DNAH3: variants seen among roughly 807,000 people sequenced by gnomAD.
DNAH3 encodes the protein axonemal beta dynein heavy chain 3.
DNAH3 carries 332 observed loss-of-function variants against 432.5 expected under a neutral mutation model. That is an observed-to-expected ratio of 0.77 (90% confidence interval 0.70 to 0.84). The LOEUF is 0.84. Ranked by LOEUF, DNAH3 falls within the 40% of genes least tolerant of loss-of-function variation. The pLI is 0.00. For synonymous variants in DNAH3, 1,956 were observed against 1,900.2 expected, an observed-to-expected ratio of 1.03 and a Z score of -0.76; for missense variants, 4,861 against 5,114.0, an observed-to-expected ratio of 0.95 and a Z score of 1.51.
At chr16:20,964,054 T>A in exon 53 of DNAH3, 1 of 1,614,194 alleles carries the variant, frequency 6.2e-7, no homozygotes, top group Non-Finnish European at 8.5e-7. Flanking sequence ...AGCAACTTTC[T>A]GTTTCTCTGA....
chr16:20,988,783 A>G (rs1377298968), intron 44 of DNAH3, among the ~76,000 whole-genome samples: 1 of 152,212 alleles, frequency 6.6e-6, no homozygotes, highest in Non-Finnish European at 1.5e-5. Flanking sequence ...ACAGCTCTTA[A>G]GGTGGCGCGT....
intron 54 of DNAH3, among the ~76,000 whole-genome samples, chr16:20,957,448 A>G (rs1396064613): frequency 6.6e-6 from 1 of 152,142 alleles, no homozygotes; most frequent in Non-Finnish European, 1.5e-5. Flanking sequence ...CTTGCAAGCT[A>G]TACAAAAAAA....
intron 20 of DNAH3, among the ~76,000 whole-genome samples, chr16:21,076,846 T>A (rs547975428): frequency 1.3e-5 from 2 of 152,264 alleles, no homozygotes; most frequent in African/African-American, 4.8e-5. Flanking sequence ...AGACTATAAC[T>A]CAATTTGTTG....
At chr16:21,021,595 A>G (rs2088225107) in intron 40 of DNAH3, among the ~76,000 whole-genome samples, 1 of 152,124 alleles carries the variant, frequency 6.6e-6, no homozygotes, top group Non-Finnish European at 1.5e-5. Flanking sequence ...TGGGGGCCAA[A>G]GAGAGGTGGG....
intron 3 of DNAH3, among the ~76,000 whole-genome samples, chr16:21,142,779 G>A (rs2092737385): frequency 6.6e-6 from 1 of 151,476 alleles, no homozygotes; most frequent in Non-Finnish European, 1.5e-5. Context: ...TCAGTCTCCT[G>A]AGTAGCTAGG....
intron 28 of DNAH3, 124 bp from the exon 29 acceptor site, chr16:21,051,992 T>TTATTG (rs1214269363): frequency 2.7e-6 from 2 of 739,330 alleles, no homozygotes; most frequent in Non-Finnish European, 4.2e-6. Context: ...TTATTTTATT[T>TTATTG]TATTTTATTT....
chr16:21,091,591 G>A (rs2091537044), intron 18 of DNAH3, among the ~76,000 whole-genome samples: 2 of 152,180 alleles, frequency 1.3e-5, no homozygotes, highest in South Asian at 4.1e-4. Flanking sequence ...GCCAAGGCAG[G>A]TGGATCACGA....
In DNAH3 at chr16:21,147,282, C is replaced by A. The variant is rs559600572; in HGVS notation, c.118-1194G>T. 1.6e-4 allele frequency among the ~76,000 whole-genome samples: 24 copies of A among 151,502 alleles called. 1 individual carries two copies. The South Asian group carries it at 4.8e-3, about 30-fold the overall frequency. On this transcript the variant is annotated intron_variant, in intron 1 of 61. Transcript: ENST00000261383. The stretch of plus-strand genomic sequence containing the variant: ...TCACCCAGGCTAGAGTGCAATGGTA[C>A]GATCTTAGCTCACTGCAACTGCTGC...
intron 1 of DNAH3, 96 bp downstream of exon 2, chr16:21,150,194 C>T: frequency 2.5e-6 from 1 of 406,210 alleles, no homozygotes; most frequent in Non-Finnish European, 4.7e-6. Context: ...CATTGCACTC[C>T]AGCCTGGGCA....
intron 49 of DNAH3, 50 bp from the exon 50 acceptor site, chr16:20,979,596 G>C: frequency 6.6e-7 from 1 of 1,523,958 alleles, no homozygotes; most frequent in Non-Finnish European, 9.1e-7. Flanking sequence ...CTTCCAGGGA[G>C]ATCCAGTACA....
intron 11 of DNAH3, among the ~76,000 whole-genome samples, chr16:21,117,853 C>T (rs1444804343): frequency 6.6e-6 from 1 of 152,166 alleles, no homozygotes; most frequent in Non-Finnish European, 1.5e-5. Context: ...TGAATACTAT[C>T]GTAGTGCTCC....
In DNAH3 at chr16:20,962,954, G is replaced by A. The variant is rs547911884; in HGVS notation, c.10600+330C>T. Among the ~76,000 whole-genome samples, 18 of 152,210 alleles carry A rather than the reference G, an allele frequency of 1.2e-4. 1 individual carries two copies. Among genetic ancestry groups the A allele is most frequent in the South Asian group, 1.0e-3 (5 of 4,824 alleles). ...GATTACAGGCATAAGCCACCTCTCCGGAACCCTCACCAGGTTTTTAAGGAA... is the reference window on the plus strand; with the variant it reads ...GATTACAGGCATAAGCCACCTCTCCAGAACCCTCACCAGGTTTTTAAGGAA... On this transcript the variant is annotated intron_variant, in intron 53 of 61. Coordinates refer to ENST00000261383, the Ensembl canonical transcript of DNAH3.
chr16:20,952,302 A>ATTAGTAAGAGCTCGATGT, intron 56 of DNAH3, 131 bp downstream of exon 56: 1 of 637,708 alleles, frequency 1.6e-6, no homozygotes, highest in Non-Finnish European at 2.9e-6. Context: ...GATGACCAGC[A>ATTAGTAAGAGCTCGATGT]TTAGTAAGAG....
intron 31 of DNAH3, 29 bp from the exon 32 acceptor site, chr16:21,042,232 G>C: frequency 6.4e-7 from 1 of 1,557,912 alleles, no homozygotes. Flanking sequence ...GCTGATAAGA[G>C]CATCTGCTTC....
intron 18 of DNAH3, 48 bp from the exon 19 acceptor site, chr16:21,087,108 G>A (rs368975872): frequency 2.1e-6 from 3 of 1,462,642 alleles, no homozygotes; most frequent in South Asian, 2.3e-5. Flanking sequence ...GTGGATGTTA[G>A]TCATGCGTAC....
intron 9 of DNAH3, among the ~76,000 whole-genome samples, chr16:21,122,373 G>T (rs1371546146): frequency 6.6e-6 from 1 of 152,024 alleles, no homozygotes; most frequent in Non-Finnish European, 1.5e-5. Flanking sequence ...TGGCCAACAT[G>T]GTGGAACCCC....
At chr16:21,094,370 G>T (rs558819465) in intron 18 of DNAH3, among the ~76,000 whole-genome samples, 1 of 152,020 alleles carries the variant, frequency 6.6e-6, no homozygotes, top group African/African-American at 2.4e-5. Flanking sequence ...TATGAGAATG[G>T]CTAAAATAAA....
intron 39 of DNAH3, 72 bp downstream of exon 39, chr16:21,024,524 G>T: frequency 1.8e-6 from 2 of 1,092,004 alleles, no homozygotes; most frequent in Non-Finnish European, 2.6e-6. Context: ...AGGTGAAGAT[G>T]TACCTAGAAG....
At chr16:21,092,857 G>T (rs1005122034) in intron 18 of DNAH3, among the ~76,000 whole-genome samples, 1 of 152,084 alleles carries the variant, frequency 6.6e-6, no homozygotes, top group Admixed American at 6.6e-5. Flanking sequence ...TATACAAGAG[G>T]TGAATAAGCA....
Sources: allele counts gnomAD v4.1 joint callset (sites outside exome capture counted in the v4.1 genomes callset), GRCh38; gene constraint gnomAD v4.1.1; transcripts MANE v1.5; gene names NCBI Gene and HGNC (gene_info 2026-07-23, HGNC 2026-07-21).